RNF212B: variants seen among roughly 807,000 people sequenced by gnomAD.
The protein encoded by RNF212B is ring finger protein 212B.
A neutral mutation model predicts 55.5 loss-of-function variants in RNF212B; 52 were observed. The ratio of observed to expected loss-of-function variants is 0.94; its 90% CI spans 0.75 to 1.18. The LOEUF is 1.18. Among genes scored for constraint, RNF212B ranks in the 50% most tolerant of loss-of-function variants. RNF212B has a pLI of 0.00. For missense variants in RNF212B, 289 were observed against 350.4 expected (o/e 0.82, Z 1.40); for synonymous variants, 99 against 121.4 (o/e 0.82, Z 1.21).
intron 1 of RNF212B, among the ~76,000 whole-genome samples, chr14:23,187,492 A>G (rs1877710799): frequency 6.6e-6 from 1 of 152,080 alleles, no homozygotes; most frequent in East Asian, 1.9e-4. Context: ...GGGACTACAG[A>G]TGTGCGCCAC....
chr14:23,269,980 C>T lies in RNF212B; in HGVS notation c.772+20C>T. 1 of 1,290,976 alleles carries T rather than the reference C, an allele frequency of 7.7e-7. No individual in the cohort carries two copies. Among genetic ancestry groups the T allele is most frequent in the Non-Finnish European group, 1.1e-6 (1 of 910,714 alleles). The allele number at this position is 1,290,976 out of a possible 1,614,324, so 80.0% of individuals were successfully genotyped here. On this transcript the variant is annotated intron_variant, in intron 13 of 14. Transcript: ENST00000430154. ...ATTTTGGTAAGTTAAATAACATTTC[C>T]AAAGGAATGGAGCTTCAACTATAGA...
At chr14:23,264,321 G>T in intron 10 of RNF212B, 87 bp downstream of exon 10, 2 of 1,152,716 alleles carry the variant, frequency 1.7e-6, no homozygotes, top group South Asian at 1.4e-5. Context: ...AATTTATATT[G>T]GTTTTGGCAT....
intron 2 of RNF212B, among the ~76,000 whole-genome samples, chr14:23,231,384 A>G (rs1246092770): frequency 1.3e-5 from 2 of 152,228 alleles, no homozygotes; most frequent in Non-Finnish European, 2.9e-5. Flanking sequence ...TTTTAAAAAA[A>G]TGGTGCTGAA....
intron 1 of RNF212B, chr14:23,193,231 T>C (rs369447344): frequency 9.2e-5 from 14 of 152,194 alleles, no homozygotes; most frequent in African/African-American, 2.9e-4. Flanking sequence ...CAGAAAATTA[T>C]ACATAGCCAA....
In RNF212B at chr14:23,208,011, T is replaced by C. The variant is rs571712124; in HGVS notation, c.-2+14610T>C. On this transcript the variant is annotated intron_variant, in intron 2 of 15. Transcript: ENST00000399910. ...AGCCTTTCCAAAGGAGGCAATCAGA[T>C]ATGCATCTATATCAGTGAGTACAGG... Among the ~76,000 whole-genome samples, 13 of 152,302 alleles carry C rather than the reference T, an allele frequency of 8.5e-5. No individual in the cohort carries two copies. In the South Asian group the frequency reaches 1.0e-3, roughly 12 times the overall value.
intron 2 of RNF212B, among the ~76,000 whole-genome samples, chr14:23,241,406 A>T (rs1883555248): frequency 1.3e-5 from 2 of 152,032 alleles, no homozygotes; most frequent in African/African-American, 4.8e-5. Context: ...CCTGCAGGTG[A>T]TGGAGACCTG....
rs183255671 is a variant in RNF212B, at chr14:23,197,099, T to C, written c.-2+3698T>C. Among the ~76,000 whole-genome samples the C allele has an allele frequency of 8.5e-5, 13 of 152,338 alleles. No individual in the cohort carries two copies. In the East Asian group the frequency reaches 2.3e-3, roughly 27 times the overall value. On this transcript the variant is annotated intron_variant, in intron 2 of 15. Transcript: ENST00000399910. ...TGAATGAATGTATATAGGACATGTA[T>C]GTGGTAACACTTGGTGGACAGTTGG...
Position 23,258,645 on chromosome 14 carries a change from G to A in RNF212B, c.325G>A (p.Ala109Thr), listed in dbSNP as rs1293381421. 1 of 1,509,746 alleles carries A rather than the reference G, an allele frequency of 6.6e-7. No individual in the cohort carries two copies. Among genetic ancestry groups the A allele is most frequent in the Non-Finnish European group, 8.9e-7 (1 of 1,118,708 alleles). The allele number at this position is 1,509,746 out of a possible 1,614,324, so 93.5% of individuals were successfully genotyped here. ...AACAGCCATGCAGGAGGCACAGCAA[G>A]CACTGGTGAGCCAGGACAAGTAAGT... ...LETAMQEAQQ[A>T]LVSQDKELSV... is the part of the protein sequence containing the mutation. The change falls in exon 5 of 15, where the codon GCA becomes ACA. Residue 109 changes from alanine to threonine, a missense_variant. Ala to Thr is a moderately conservative substitution (Grantham distance 58, BLOSUM62 0). Coordinates refer to ENST00000430154, the MANE Select transcript of RNF212B (RefSeq NM_001282322.3).
intron 4 of RNF212B, among the ~76,000 whole-genome samples, chr14:23,255,458 C>A (rs903580517): frequency 2.0e-5 from 3 of 151,966 alleles, no homozygotes; most frequent in Admixed American, 1.3e-4. Flanking sequence ...AGTTTCATAC[C>A]AATAAAATGT....
At chr14:23,208,001 G>T (rs1204221791) in intron 2 of RNF212B, among the ~76,000 whole-genome samples, 3 of 152,238 alleles carry the variant, frequency 2.0e-5, no homozygotes, top group African/African-American at 7.2e-5. Flanking sequence ...TTCCAAAGGA[G>T]GCAATCAGAT....
chr14:23,218,754 A>G (rs1881311767), intron 2 of RNF212B, among the ~76,000 whole-genome samples: 1 of 152,210 alleles, frequency 6.6e-6, no homozygotes, highest in African/African-American at 2.4e-5. Context: ...GTAGAGAAAG[A>G]GAGCTAGGGG....
intron 3 of RNF212B, among the ~76,000 whole-genome samples, chr14:23,243,557 G>A (rs540637467): frequency 2.0e-5 from 3 of 151,760 alleles, no homozygotes; most frequent in East Asian, 3.9e-4. Context: ...TTAGCCAGGC[G>A]TGGTGGTGCG....
intron 6 of RNF212B, 55 bp downstream of exon 6, chr14:23,259,999 T>TA: frequency 1.2e-6 from 1 of 854,446 alleles, no homozygotes; most frequent in Non-Finnish European, 1.8e-6. Flanking sequence ...TTCTCATCTA[T>TA]CTAGCTGACT....
At position 23,201,379 on chromosome 14, in the gene RNF212B, C is replaced by A. The variant is rs1000701113; in HGVS notation, c.-2+7978C>A. 7.9e-5 allele frequency among the ~76,000 whole-genome samples: 12 copies of A among 152,274 alleles called. 1 individual carries two copies. The East Asian group carries it at 2.3e-3, about 29-fold the overall frequency. On this transcript the variant is annotated intron_variant, in intron 2 of 15. Transcript: ENST00000399910. ...ACATAATTGACAAGGGAATTTGTTA[C>A]CTCTGTGGCACACAGTAATTTTAAC...
chr14:23,202,070 G>A (rs1343214024), intron 2 of RNF212B, among the ~76,000 whole-genome samples: 1 of 152,004 alleles, frequency 6.6e-6, no homozygotes, highest in Non-Finnish European at 1.5e-5. Context: ...GACCAACATG[G>A]TGAAACCCTA....
intron 2 of RNF212B, among the ~76,000 whole-genome samples, chr14:23,208,113 T>C (rs901960868): frequency 2.6e-5 from 4 of 152,314 alleles, no homozygotes; most frequent in East Asian, 1.9e-4. Context: ...GCTTAGTGAT[T>C]TGGGGGCCCC....
At chr14:23,211,288 A>G (rs1431242989) in intron 2 of RNF212B, among the ~76,000 whole-genome samples, 1 of 151,118 alleles carries the variant, frequency 6.6e-6, no homozygotes, top group Non-Finnish European at 1.5e-5. Context: ...CTTGAAAGAC[A>G]TAAACTACTA....
chr14:23,231,873 C>A (rs537271016), intron 2 of RNF212B, among the ~76,000 whole-genome samples: 1 of 152,260 alleles, frequency 6.6e-6, no homozygotes, highest in Non-Finnish European at 1.5e-5. Flanking sequence ...AGCTCCTAAC[C>A]GTGAGTGATC....
At chr14:23,199,679 T>C (rs1879090464) in intron 2 of RNF212B, among the ~76,000 whole-genome samples, 1 of 152,012 alleles carries the variant, frequency 6.6e-6, no homozygotes, top group African/African-American at 2.4e-5. Flanking sequence ...TGAAGTCTCA[T>C]GTCCTATGAA....
Sources: allele counts gnomAD v4.1 joint callset (sites outside exome capture counted in the v4.1 genomes callset), GRCh38; gene constraint gnomAD v4.1.1; transcripts MANE v1.5; gene names NCBI Gene and HGNC (gene_info 2026-07-23, HGNC 2026-07-21).